Variants in BMPR1B observed in about 807,000 individuals in gnomAD.
BMPR1B encodes bone morphogenetic protein receptor type-1B.
A neutral mutation model predicts 59.1 loss-of-function variants in BMPR1B; 12 were observed. The observed-to-expected ratio is 0.20, with a 90% CI of 0.13 to 0.33. The LOEUF (loss-of-function observed/expected upper bound fraction) is 0.33, where lower values mean the gene tolerates loss of function less well. Among genes scored for constraint, BMPR1B ranks in the 10% least tolerant of loss-of-function variants. BMPR1B has a pLI of 1.00. For missense variants in BMPR1B, 550 were observed against 610.9 expected, an observed-to-expected ratio of 0.90 and a Z score of 1.05; for synonymous variants, 237 against 207.3, an observed-to-expected ratio of 1.14 and a Z score of -1.23.
chr4:94,972,608 G>T (rs1396656965), intron 2 of BMPR1B, among the ~76,000 whole-genome samples: 1 of 150,490 alleles, frequency 6.6e-6, no homozygotes, highest in Non-Finnish European at 1.5e-5. Flanking sequence ...TTCATCATTG[G>T]TCACTTAGGT....
chr4:94,970,553 T>C (rs965226864), intron 2 of BMPR1B, among the ~76,000 whole-genome samples: 1 of 152,182 alleles, frequency 6.6e-6, no homozygotes, highest in African/African-American at 2.4e-5. Flanking sequence ...CCTCAGGCAA[T>C]CTGCCTGCCT....
At position 94,873,295 on chromosome 4, in the gene BMPR1B, G is replaced by A. The variant is rs186582527; in HGVS notation, c.-182-2536G>A. On this transcript the variant is annotated intron_variant, in intron 1 of 12. Coordinates refer to ENST00000515059, the MANE Select transcript of BMPR1B (RefSeq NM_001203.3). ...TAGGTGGTTGTTTACCTGAATTTTT[G>A]CTTTTTTTCCTTCATCGTTTGGAGA... is the stretch of plus-strand genomic sequence containing the variant. Among the ~76,000 whole-genome samples the A allele has an allele frequency of 2.4e-4, 37 of 151,962 alleles. No individual in the cohort carries two copies. The East Asian group carries it at 5.8e-3, about 24-fold the overall frequency.
In BMPR1B at chr4:95,012,295, C is replaced by T. The variant is rs192534850; in HGVS notation, c.-18+16161C>T. Among the ~76,000 whole-genome samples, 40 of 152,146 alleles carry T rather than the reference C, an allele frequency of 2.6e-4. No individual in the cohort carries two copies. The East Asian group carries it at 7.7e-3, about 29-fold the overall frequency. ...TTAAGTTAAAATGCAGAGTTTCATA[C>T]AAAGGTTTCAATACCTATTAGACAA... On this transcript the variant is annotated intron_variant, in intron 3 of 12. Coordinates refer to ENST00000515059, the MANE Select transcript of BMPR1B (RefSeq NM_001203.3).
chr4:95,027,146 T>G (rs1032518216), intron 3 of BMPR1B, among the ~76,000 whole-genome samples: 3 of 152,160 alleles, frequency 2.0e-5, no homozygotes, highest in Non-Finnish European at 4.4e-5. Flanking sequence ...TAAAAATAAA[T>G]AGTACTGTTT....
intron 2 of BMPR1B, among the ~76,000 whole-genome samples, chr4:94,980,648 G>T (rs1731200892): frequency 6.6e-6 from 1 of 152,126 alleles, no homozygotes; most frequent in Non-Finnish European, 1.5e-5. Flanking sequence ...ATGGTGTCCT[G>T]TCCAGAGTTA....
intron 2 of BMPR1B, among the ~76,000 whole-genome samples, chr4:94,948,223 C>T (rs183363325): frequency 3.3e-5 from 5 of 152,288 alleles, no homozygotes; most frequent in African/African-American, 1.2e-4. Flanking sequence ...ACAGTTCAAA[C>T]TCTTCTAAAG....
intron 10 of BMPR1B, among the ~76,000 whole-genome samples, chr4:95,131,779 C>T (rs1733378036): frequency 6.6e-6 from 1 of 152,050 alleles, no homozygotes; most frequent in Non-Finnish European, 1.5e-5. Context: ...GTAGCTAATT[C>T]CTGGGAATAC....
In BMPR1B at chr4:95,043,383, G is replaced by A. The variant is rs150533756; in HGVS notation, c.-18+47249G>A. On this transcript the variant is annotated intron_variant, in intron 3 of 12. Coordinates refer to ENST00000515059, the MANE Select transcript of BMPR1B (RefSeq NM_001203.3). ...GGGTTTGTTGCTGTTGTTTTAATTA[G>A]CAAATTTACTAAGTTAATTTTCTTT... Among the ~76,000 whole-genome samples, 615 of 152,038 alleles carry A rather than the reference G, an allele frequency of 4.0e-3. 4 individuals carry two copies. Among genetic ancestry groups the A allele is most frequent in the African/African-American group, 0.014 (594 of 41,472 alleles).
At chr4:94,845,955 A>G (rs1725309153) in intron 1 of BMPR1B, among the ~76,000 whole-genome samples, 1 of 152,182 alleles carries the variant, frequency 6.6e-6, no homozygotes, top group African/African-American at 2.4e-5. Context: ...TTACCTCATC[A>G]AGTATATTAA....
chr4:95,138,144 T>C (rs1733946383), intron 10 of BMPR1B, among the ~76,000 whole-genome samples: 1 of 152,146 alleles, frequency 6.6e-6, no homozygotes, highest in Admixed American at 6.5e-5. Context: ...TGTAAAGTAT[T>C]TTATTTCTCT....
intron 1 of BMPR1B, among the ~76,000 whole-genome samples, chr4:94,821,064 G>T (rs1242501120): frequency 6.6e-6 from 1 of 152,094 alleles, no homozygotes; most frequent in African/African-American, 2.4e-5. Flanking sequence ...AGTGTCACTG[G>T]ATTAACACTT....
intron 8 of BMPR1B, among the ~76,000 whole-genome samples, chr4:95,127,889 ATT>A (rs556277617): frequency 3.5e-5 from 5 of 144,744 alleles, no homozygotes; most frequent in Non-Finnish European, 3.0e-5. Context: ...AATCCCCAGG[ATT>A]TTTTTTTTTT....
At chr4:94,943,676 T>C (rs1233580117) in intron 2 of BMPR1B, among the ~76,000 whole-genome samples, 1 of 152,240 alleles carries the variant, frequency 6.6e-6, no homozygotes, top group Admixed American at 6.5e-5. Flanking sequence ...AGTGGAACTT[T>C]ATAGCATTGT....
chr4:95,149,789 G>A (rs1054018471), intron 11 of BMPR1B, among the ~76,000 whole-genome samples: 3 of 152,170 alleles, frequency 2.0e-5, no homozygotes, highest in African/African-American at 7.2e-5. Context: ...CACTTAACTA[G>A]TACTGAGATG....
chr4:94,999,522 A>G (rs1262660763), intron 3 of BMPR1B, among the ~76,000 whole-genome samples: 1 of 152,086 alleles, frequency 6.6e-6, no homozygotes, highest in Non-Finnish European at 1.5e-5. Context: ...GATATTGGTT[A>G]GCAAATAAAA....
At chr4:94,918,906 T>C (rs1358814469) in intron 2 of BMPR1B, among the ~76,000 whole-genome samples, 1 of 142,290 alleles carries the variant, frequency 7.0e-6, no homozygotes, top group East Asian at 1.9e-4. Context: ...CCTCCATTAT[T>C]TTATTTATTT....
At chr4:95,071,071 G>A (rs1728244207) in intron 3 of BMPR1B, among the ~76,000 whole-genome samples, 3 of 151,932 alleles carry the variant, frequency 2.0e-5, no homozygotes, top group African/African-American at 7.3e-5. Context: ...TTTTTGGTAT[G>A]TATGTATCTG....
chr4:95,052,156 G>T (rs1726553132), intron 3 of BMPR1B, among the ~76,000 whole-genome samples: 3 of 152,034 alleles, frequency 2.0e-5, no homozygotes, highest in African/African-American at 7.2e-5. Context: ...ATTTTTATAG[G>T]TTAGCTAGTT....
At chr4:94,903,929 G>A (rs1418014604) in intron 2 of BMPR1B, among the ~76,000 whole-genome samples, 1 of 151,986 alleles carries the variant, frequency 6.6e-6, no homozygotes, top group Admixed American at 6.6e-5. Context: ...TGTTCTTTAA[G>A]CCATCCAATG....
Sources: gnomAD v4.1 joint callset for allele counts (sites outside exome capture counted in the v4.1 genomes callset) on GRCh38, gnomAD v4.1.1 for gene constraint, MANE v1.5 for transcripts, NCBI Gene and HGNC (gene_info 2026-07-23, HGNC 2026-07-21) for gene names.